The following WDR7 variants were observed in gnomAD, a reference collection of about 807,000 sequenced individuals.
WDR7 encodes the protein WD repeat-containing protein 7.
WDR7 carries 46 observed loss-of-function variants against 169.4 expected under a neutral mutation model. That is an observed-to-expected ratio of 0.27 (90% CI 0.21 to 0.35). The LOEUF (loss-of-function observed/expected upper bound fraction) is 0.35. WDR7 is among the 10% of genes least tolerant of loss of function. WDR7 has a pLI of 1.00. For missense variants in WDR7, 1,534 were observed against 1,859.3 expected (o/e 0.83, Z 3.22); for synonymous variants, 612 against 666.8 (o/e 0.92, Z 1.27).
chr18:56,848,407 C>G (rs568818194), intron 20 of WDR7, among the ~76,000 whole-genome samples: 1 of 152,246 alleles, frequency 6.6e-6, no homozygotes, highest in Non-Finnish European at 1.5e-5. Flanking sequence ...AGTTTCAGAT[C>G]AGACTTTGGT....
chr18:56,656,074 T>C (rs909867335), intron 1 of WDR7, among the ~76,000 whole-genome samples: 4 of 152,182 alleles, frequency 2.6e-5, no homozygotes, highest in South Asian at 2.1e-4. Context: ...TGTGTGTGTG[T>C]GCGTATGGAT....
intron 25 of WDR7, among the ~76,000 whole-genome samples, chr18:56,951,244 A>C (rs2047177311): frequency 6.6e-6 from 1 of 152,174 alleles, no homozygotes; most frequent in African/African-American, 2.4e-5. Flanking sequence ...GCCCTTAAGA[A>C]CAGGGAACTT....
In WDR7 at chr18:56,816,151, A is replaced by C. The variant is rs1184258008; in HGVS notation, c.3304+7A>C. The C allele has an allele frequency of 6.3e-7, 1 of 1,599,604 alleles. No individual in the cohort carries two copies. Among genetic ancestry groups the C allele is most frequent in the Non-Finnish European group, 8.5e-7 (1 of 1,175,810 alleles). On this transcript the variant is annotated splice_region_variant and intron_variant, in intron 20 of 27. Transcript: ENST00000254442. ...GACGATGACATCACCACTGGTAAGC[A>C]CAGACATCTTTAACGTCTGATTGGA...
intron 21 of WDR7, among the ~76,000 whole-genome samples, chr18:56,915,447 A>G (rs981890022): frequency 1.4e-4 from 21 of 152,210 alleles, no homozygotes; most frequent in African/African-American, 2.2e-4. Flanking sequence ...CATATAATAT[A>G]TTCTCCCATA....
intron 14 of WDR7, among the ~76,000 whole-genome samples, chr18:56,741,485 T>C (rs571880207): frequency 6.6e-6 from 1 of 152,330 alleles, no homozygotes; most frequent in Admixed American, 6.5e-5. Flanking sequence ...CTCCTACAAA[T>C]CTGACATCTG....
intron 19 of WDR7, among the ~76,000 whole-genome samples, chr18:56,796,047 G>A (rs2044579677): frequency 6.6e-6 from 1 of 152,100 alleles, no homozygotes. Flanking sequence ...TTTTTTACCT[G>A]GAAATCACAA....
intron 26 of WDR7, among the ~76,000 whole-genome samples, chr18:56,985,798 C>CA (rs2047707800): frequency 6.6e-6 from 1 of 151,980 alleles, no homozygotes; most frequent in African/African-American, 2.4e-5. Context: ...TATAGCATGT[C>CA]AAAAGGAGCT....
chr18:56,868,124 A>G (rs987442435), intron 20 of WDR7, among the ~76,000 whole-genome samples: 3 of 152,204 alleles, frequency 2.0e-5, no homozygotes, highest in Non-Finnish European at 4.4e-5. Flanking sequence ...TCTCACTTAC[A>G]GTAAAGAAAG....
At chr18:56,942,753 G>A (rs888986481) in intron 25 of WDR7, among the ~76,000 whole-genome samples, 1 of 152,068 alleles carries the variant, frequency 6.6e-6, no homozygotes, top group Non-Finnish European at 1.5e-5. Flanking sequence ...GTTAAGTAAG[G>A]ACTTACTGTA....
chr18:56,915,088 A>T (rs949145524), intron 21 of WDR7, among the ~76,000 whole-genome samples: 1 of 152,202 alleles, frequency 6.6e-6, no homozygotes, highest in Non-Finnish European at 1.5e-5. Flanking sequence ...TATGCTTTCC[A>T]TTAAAAGAAA....
chr18:56,719,541 G>T (rs1457643073), intron 13 of WDR7, among the ~76,000 whole-genome samples: 1 of 125,376 alleles, frequency 8.0e-6, no homozygotes, highest in African/African-American at 3.5e-5. Flanking sequence ...CAGCCTGGGA[G>T]ACACAGCGAG....
Position 56,853,569 on chromosome 18 carries a change from A to G in WDR7, c.3305-26375A>G, listed in dbSNP as rs911025381. ...TCAGTCACCTAATTTTAACTACCAG[A>G]GACCCGAACCCCTACCCAAACCAAG... On this transcript the variant is annotated intron_variant, in intron 20 of 27. Coordinates refer to ENST00000254442, the MANE Select transcript of WDR7 (RefSeq NM_015285.3). 5.3e-5 allele frequency among the ~76,000 whole-genome samples: 8 copies of G among 152,190 alleles called. No individual in the cohort carries two copies. The East Asian group carries it at 7.7e-4, about 15-fold the overall frequency.
chr18:56,663,820 G>T (rs531517191), intron 1 of WDR7, among the ~76,000 whole-genome samples: 4 of 151,816 alleles, frequency 2.6e-5, no homozygotes, highest in African/African-American at 9.7e-5. Flanking sequence ...GGAATCACAC[G>T]GAGAAAGGTA....
intron 19 of WDR7, among the ~76,000 whole-genome samples, chr18:56,783,289 A>C (rs2044347586): frequency 6.6e-6 from 1 of 152,148 alleles, no homozygotes; most frequent in South Asian, 2.1e-4. Flanking sequence ...TAAAATTGGG[A>C]TGAAAAGAAC....
chr18:56,681,166 A>G, intron 3 of WDR7, 147 bp from the exon 4 acceptor site: 1 of 631,400 alleles, frequency 1.6e-6, no homozygotes, highest in Non-Finnish European at 2.7e-6. Context: ...GAGGACTGGA[A>G]ATTTTGATGA....
At chr18:56,754,891 A>AC in intron 14 of WDR7, among the ~76,000 whole-genome samples, 2 of 152,296 alleles carry the variant, frequency 1.3e-5, no homozygotes, top group African/African-American at 4.8e-5. Flanking sequence ...CTCTTTTAAA[A>AC]CTATTCAAAT....
chr18:56,870,350 A>G (rs1231259153), intron 20 of WDR7, among the ~76,000 whole-genome samples: 1 of 152,170 alleles, frequency 6.6e-6, no homozygotes, highest in Non-Finnish European at 1.5e-5. Context: ...TTTGAGCCAT[A>G]CATATATGGA....
At chr18:56,734,173 A>C (rs1204396350) in intron 14 of WDR7, among the ~76,000 whole-genome samples, 1 of 152,096 alleles carries the variant, frequency 6.6e-6, no homozygotes, top group Non-Finnish European at 1.5e-5. Flanking sequence ...TTGGTGAGTG[A>C]AGTTGTGTAG....
chr18:56,716,571 C>T (rs139534670), intron 12 of WDR7, among the ~76,000 whole-genome samples: 2 of 152,200 alleles, frequency 1.3e-5, no homozygotes, highest in African/African-American at 4.8e-5. Context: ...AAAGCTAAAT[C>T]ATGGTGAAGA....
Sources: allele counts gnomAD v4.1 joint callset (sites outside exome capture counted in the v4.1 genomes callset), GRCh38; gene constraint gnomAD v4.1.1; transcripts MANE v1.5; gene names NCBI Gene and HGNC (gene_info 2026-07-23, HGNC 2026-07-21).